Variants in MTMR3 observed in about 807,000 individuals in gnomAD.
MTMR3 encodes the protein phosphatidylinositol-3,5-bisphosphate 3-phosphatase MTMR3.
Under a neutral mutation model 132.4 loss-of-function variants are expected in MTMR3, and 32 were observed. That is an observed-to-expected ratio of 0.24 (90% CI 0.18 to 0.32). The LOEUF is 0.32. Among genes scored for constraint, MTMR3 ranks in the 10% least tolerant of loss-of-function variants. The pLI is 1.00. For missense variants in MTMR3, 1,216 were observed against 1,489.6 expected, an observed-to-expected ratio of 0.82 and a Z score of 3.02; for synonymous variants, 556 against 550.3, an observed-to-expected ratio of 1.01 and a Z score of -0.14.
At chr22:29,949,270 C>T (rs1376384363) in intron 1 of MTMR3, among the ~76,000 whole-genome samples, 3 of 151,046 alleles carry the variant, frequency 2.0e-5, no homozygotes, top group Non-Finnish European at 4.4e-5. Context: ...GGCAGATCAC[C>T]TGAGGTCAGG....
intron 1 of MTMR3, among the ~76,000 whole-genome samples, chr22:29,888,262 C>T (rs2064717644): frequency 6.6e-6 from 1 of 151,878 alleles, no homozygotes; most frequent in Non-Finnish European, 1.5e-5. Flanking sequence ...CCAGGCTGGT[C>T]TTGAACTCCT....
intron 5 of MTMR3, chr22:29,987,850 A>G (rs1281789830): frequency 2.0e-5 from 3 of 152,230 alleles, no homozygotes; most frequent in Admixed American, 6.5e-5. Flanking sequence ...TAGCTTTAGC[A>G]TCCTTGATCA....
At chr22:29,896,822 A>AT (rs140357883) in intron 1 of MTMR3, among the ~76,000 whole-genome samples, 19,575 of 148,306 alleles carry the variant, frequency 0.13, 1,481 homozygotes, top group South Asian at 0.25. Flanking sequence ...TAATAATATA[A>AT]TTTTTTTTTA....
intron 7 of MTMR3, chr22:29,996,801 ACTGCAG>A (rs1434161969): frequency 1.3e-5 from 2 of 151,914 alleles, no homozygotes; most frequent in Non-Finnish European, 2.9e-5. Flanking sequence ...ATGATGGCTC[ACTGCAG>A]CCTCAACTTC....
At chr22:29,998,996 A>C in intron 8 of MTMR3, 139 bp downstream of exon 8, 1 of 537,600 alleles carries the variant, frequency 1.9e-6, no homozygotes, top group Non-Finnish European at 3.2e-6. Context: ...CATGATCTTC[A>C]GAGTATTTAT....
In MTMR3 at chr22:29,943,617, A is replaced by G. The variant is rs149567025; in HGVS notation, c.-137-13419A>G. 8.6e-3 allele frequency among the ~76,000 whole-genome samples: 1,302 copies of G among 152,246 alleles called. 6 individuals carry two copies. Among genetic ancestry groups the G allele is most frequent in the Middle Eastern group, 0.02 (6 of 294 alleles). On this transcript the variant is annotated intron_variant, in intron 1 of 19. Coordinates refer to ENST00000401950, the MANE Select transcript of MTMR3 (RefSeq NM_021090.4). ...GTAAGGTGAGCTTGTCAGGGAAGGA[A>G]GGAATTGGTATGTTATGACTATTCC...
chr22:29,935,483 C>T (rs968369640), intron 1 of MTMR3, among the ~76,000 whole-genome samples: 1 of 152,088 alleles, frequency 6.6e-6, no homozygotes, highest in African/African-American at 2.4e-5. Context: ...CAGTTCTTAC[C>T]TTACACACTA....
At chr22:29,897,764 A>C (rs2064931244) in intron 1 of MTMR3, among the ~76,000 whole-genome samples, 1 of 152,062 alleles carries the variant, frequency 6.6e-6, no homozygotes, top group Admixed American at 6.5e-5. Flanking sequence ...TTTGCTTTTA[A>C]AAATTAAAAT....
intron 1 of MTMR3, among the ~76,000 whole-genome samples, chr22:29,922,986 C>T (rs186560091): frequency 6.6e-6 from 1 of 151,346 alleles, no homozygotes; most frequent in Non-Finnish European, 1.5e-5. Flanking sequence ...TCGGTTCTCC[C>T]ACCTTAGCCT....
intron 1 of MTMR3, among the ~76,000 whole-genome samples, chr22:29,884,605 C>A (rs2064631604): frequency 1.4e-5 from 2 of 141,618 alleles, no homozygotes; most frequent in South Asian, 2.3e-4. Flanking sequence ...CTCTCCCGCC[C>A]AGGCCGGAGT....
At chr22:29,913,081 AAAT>A (rs1365209389) in intron 1 of MTMR3, among the ~76,000 whole-genome samples, 1 of 151,912 alleles carries the variant, frequency 6.6e-6, no homozygotes, top group African/African-American at 2.4e-5. Flanking sequence ...CCCCTCTACA[AAAT>A]AATAATAATA....
At chr22:29,953,139 C>G (rs895447733) in intron 1 of MTMR3, among the ~76,000 whole-genome samples, 17 of 152,182 alleles carry the variant, frequency 1.1e-4, no homozygotes, top group Non-Finnish European at 1.9e-4. Context: ...GTGTTGCCTT[C>G]TTAAGGTTTT....
rs73400604 is a variant in MTMR3 at position 30,023,045 on chromosome 22, T to G, written c.3425+348T>G. On this transcript the variant is annotated intron_variant, in intron 19 of 19. Coordinates refer to ENST00000401950, the MANE Select transcript of MTMR3 (RefSeq NM_021090.4). ...ATGAGCAAAACCAGTTTTCCTGCGA[T>G]GGGGAGGGAACTATTTTCCTATTCC... 2,987 of 398,860 alleles carry G rather than the reference T, an allele frequency of 7.5e-3. 77 individuals carry two copies. The highest frequency in any genetic ancestry group is 0.057 in the African/African-American group (2,804 of 49,456). 24.7% of individuals were successfully genotyped at this position (398,860 alleles called of 1,614,324 possible).
chr22:29,941,097 A>G (rs1175159269), intron 1 of MTMR3, among the ~76,000 whole-genome samples: 3 of 150,078 alleles, frequency 2.0e-5, no homozygotes, highest in South Asian at 2.1e-4. Flanking sequence ...AATCCAAACT[A>G]CTATTCTCTT....
At chr22:30,002,811 CTCTCTCTCCCGTTT>C (rs1440424060) in intron 8 of MTMR3, 55 bp from the exon 9 acceptor site, 1 of 1,192,544 alleles carries the variant, frequency 8.4e-7, no homozygotes. Flanking sequence ...TAGTGTCTCT[CTCTCTCTCCCGTTT>C]TCTCTCTCCC....
At chr22:29,923,721 C>T (rs1220222229) in intron 1 of MTMR3, among the ~76,000 whole-genome samples, 1 of 152,136 alleles carries the variant, frequency 6.6e-6, no homozygotes, top group South Asian at 2.1e-4. Context: ...TTTAAGCACA[C>T]TAATCCTATT....
At chr22:30,017,787 C>A in intron 15 of MTMR3, 140 bp from the exon 16 acceptor site, 1 of 1,018,372 alleles carries the variant, frequency 9.8e-7, no homozygotes, top group Non-Finnish European at 1.5e-6. Flanking sequence ...AGACCTGTAT[C>A]CATTGGTGCT....
chr22:29,992,227 T>A (rs1170033420), intron 7 of MTMR3: 1 of 152,322 alleles, frequency 6.6e-6, no homozygotes, highest in African/African-American at 2.4e-5. Context: ...ATTACAGGCA[T>A]GCGCCACCAT....
chr22:30,019,550 C>T lies in MTMR3; in HGVS notation c.1891C>T (p.Arg631Cys), dbSNP rs2067693799. 7 of 1,612,956 alleles carry T rather than the reference C, an allele frequency of 4.3e-6. No individual in the cohort carries two copies. The highest frequency in any genetic ancestry group is 1.6e-4 in the Middle Eastern group (1 of 6,084). The change falls in exon 17 of 20, where the codon CGC becomes TGC. Residue 631 changes from arginine (R) to cysteine (C), a missense_variant. Arg to Cys is a radical substitution (Grantham distance 180). This residue lies in a region of MTMR3 where 852 missense variants were observed against 852.0 expected (regional missense o/e 1.00). Coordinates refer to ENST00000401950, the MANE Select transcript of MTMR3 (RefSeq NM_021090.4). Reference protein sequence around the residue: ...CDNTVPLASRRCSDPSLNEKW... With the variant: ...CDNTVPLASRCCSDPSLNEKW... ...CAACACAGTGCCTCTGGCCAGCCGG[C>T]GCTGCAGCGACCCCAGCCTGAACGA...
Sources: allele counts gnomAD v4.1 joint callset (sites outside exome capture counted in the v4.1 genomes callset), GRCh38; gene constraint gnomAD v4.1.1; regional missense constraint gnomAD v4.1.1; transcripts MANE v1.5; gene names NCBI Gene and HGNC (gene_info 2026-07-23, HGNC 2026-07-21).